The following AFF1 variants were observed in gnomAD, a reference collection of about 807,000 sequenced individuals.
The protein encoded by AFF1 is ALF transcription elongation factor 1, also known as AF4/FMR2 family member 1.
AFF1 carries 48 observed loss-of-function variants against 121.7 expected under a neutral mutation model. The ratio of observed to expected loss-of-function variants is 0.39; its 90% CI spans 0.31 to 0.50. The LOEUF (loss-of-function observed/expected upper bound fraction) is 0.50, where lower values mean the gene tolerates loss of function less well. Among genes scored for constraint, AFF1 ranks in the 20% least tolerant of loss-of-function variants. The pLI is 0.76. For synonymous variants in AFF1, 613 were observed against 563.0 expected (o/e 1.09, Z -1.26); for missense variants, 1,523 against 1,511.7 (o/e 1.01, Z -0.12).
At chr4:87,006,170 T>G (rs578244726) in intron 2 of AFF1, among the ~76,000 whole-genome samples, 1 of 152,326 alleles carries the variant, frequency 6.6e-6, no homozygotes, top group South Asian at 2.1e-4. Context: ...AATGTTGTCA[T>G]GATTCTAGGT....
chr4:87,006,885 G>A (rs1253702696), intron 2 of AFF1: 2 of 908,140 alleles, frequency 2.2e-6, no homozygotes, highest in Non-Finnish European at 2.7e-6. Context: ...CTTTGGCTAG[G>A]GCCGCCGAGC....
Position 87,137,398 on chromosome 4 carries a change from G to C in AFF1, c.*1697G>C, listed in dbSNP as rs754086006. ...TTGTAAATACACAAAGGGATGTGTC[G>C]AGGGATGGGAGCGATGCTTATCTCT... On this transcript the variant is annotated 3_prime_UTR_variant, in exon 21 of 21. Coordinates refer to ENST00000395146, the MANE Select transcript of AFF1 (RefSeq NM_001166693.3). The C allele has an allele frequency of 8.7e-6, 2 of 229,934 alleles. No individual in the cohort carries two copies. Among genetic ancestry groups the C allele is most frequent in the Non-Finnish European group, 1.7e-5 (2 of 115,822 alleles). The allele number at this position is 229,934 out of a possible 1,614,324, so 14.2% of individuals were successfully genotyped here.
At chr4:86,962,765 G>A (rs1014987205) in intron 2 of AFF1, among the ~76,000 whole-genome samples, 1 of 152,050 alleles carries the variant, frequency 6.6e-6, no homozygotes, top group African/African-American at 2.4e-5. Flanking sequence ...AAGAGTTTGG[G>A]TAATTTGAAA....
chr4:86,989,643 A>G (rs1724546823), intron 2 of AFF1, among the ~76,000 whole-genome samples: 1 of 152,212 alleles, frequency 6.6e-6, no homozygotes, highest in Non-Finnish European at 1.5e-5. Context: ...TAGAACCAGA[A>G]ATATCATTTG....
At position 87,013,032 on chromosome 4, in the gene AFF1, CTTTTTTTTTTTTTTT is replaced by C. The variant is rs61071328; in HGVS notation, c.39-33122_39-33108del. On this transcript the variant is annotated intron_variant, in intron 2 of 20. Coordinates refer to ENST00000395146, the MANE Select transcript of AFF1 (RefSeq NM_001166693.3). ...AACCAGATTGAACTGCTATCAAGTT[CTTTTTTTTTTTTTTT>C]TTTTTTTTTTTGGGAGACGGAGTTT... is the stretch of plus-strand genomic sequence containing the variant. Among the ~76,000 whole-genome samples, 9 of 93,512 alleles carry C rather than the reference CTTTTTTTTTTTTTTT, an allele frequency of 9.6e-5. No homozygotes were observed. The South Asian group carries it at 1.9e-3, about 20-fold the overall frequency. 61.3% of individuals were successfully genotyped at this position (93,512 alleles called of 152,430 possible).
intron 20 of AFF1, among the ~76,000 whole-genome samples, chr4:87,135,028 C>T (rs999514256): frequency 6.6e-6 from 1 of 152,218 alleles, no homozygotes; most frequent in African/African-American, 2.4e-5. Flanking sequence ...GAGCCACTGG[C>T]TGTTCCTAGG....
In AFF1 at chr4:86,949,945, C is replaced by T. The variant is rs536502160; in HGVS notation, c.38+1374C>T. On this transcript the variant is annotated intron_variant, in intron 2 of 20. Transcript: ENST00000395146. ...TCTTGGACCCAGCGGGCCGCAGGTC[C>T]CGCAGGGCCATGTGGATGGAGAAGT... The T allele has an allele frequency of 2.4e-5, 38 of 1,614,082 alleles. No homozygotes were observed. The African/African-American group carries it at 4.7e-4, about 20-fold the overall frequency.
At position 87,022,577 on chromosome 4, in the gene AFF1, T is replaced by TAC. The variant is rs1560547244; in HGVS notation, c.39-23588_39-23587insCA. ...ATATATATATATATATATATATATA[T>TAC]ATATATCTATCTATATCTATCTGTG... On this transcript the variant is annotated intron_variant, in intron 2 of 20. Transcript: ENST00000395146. Among the ~76,000 whole-genome samples, 61 of 88,516 alleles carry TAC rather than the reference T, an allele frequency of 6.9e-4. 1 individual carries two copies. The highest frequency in any genetic ancestry group is 2.7e-3 in the African/African-American group (51 of 18,914). 58.1% of individuals were successfully genotyped at this position (88,516 alleles called of 152,430 possible).
intron 2 of AFF1, among the ~76,000 whole-genome samples, chr4:86,996,204 A>AG (rs1430792538): frequency 1.1e-4 from 16 of 152,150 alleles, no homozygotes; most frequent in Non-Finnish European, 1.9e-4. Context: ...CTGCCTGGCC[A>AG]CCACCCCGTC....
intron 5 of AFF1, among the ~76,000 whole-genome samples, chr4:87,085,800 C>T (rs756141094): frequency 4.4e-4 from 65 of 148,448 alleles, no homozygotes; most frequent in Non-Finnish European, 8.4e-4. Context: ...TCAGGCTGGG[C>T]GTGACCTTGG....
intron 12 of AFF1, among the ~76,000 whole-genome samples, chr4:87,116,833 T>G (rs565585921): frequency 1.1e-4 from 17 of 150,724 alleles, no homozygotes; most frequent in South Asian, 2.1e-4. Flanking sequence ...TGGGGTGGGG[T>G]GTGTGTGTGT....
chr4:87,007,726 C>T (rs1359785899), intron 2 of AFF1, among the ~76,000 whole-genome samples: 1 of 152,174 alleles, frequency 6.6e-6, no homozygotes, highest in Non-Finnish European at 1.5e-5. Flanking sequence ...CACTTGTCCG[C>T]CCTTGCCCAA....
chr4:87,115,594 G>A (rs936289017), intron 12 of AFF1, among the ~76,000 whole-genome samples: 8 of 88,628 alleles, frequency 9.0e-5, no homozygotes, highest in Admixed American at 1.3e-4. Context: ...ATCTAGGGCC[G>A]CCCCCAACCC....
At chr4:87,018,356 A>T (rs1232201746) in intron 2 of AFF1, among the ~76,000 whole-genome samples, 1 of 152,214 alleles carries the variant, frequency 6.6e-6, no homozygotes, top group African/African-American at 2.4e-5. Context: ...AAAAAACAGG[A>T]TACTGTGAGG....
In AFF1 at chr4:87,137,397, C is replaced by T. The variant is rs533302438; in HGVS notation, c.*1696C>T. On this transcript the variant is annotated 3_prime_UTR_variant, in exon 21 of 21. Transcript: ENST00000395146. The stretch of plus-strand genomic sequence containing the variant: ...TTTGTAAATACACAAAGGGATGTGT[C>T]GAGGGATGGGAGCGATGCTTATCTC... The T allele has an allele frequency of 2.0e-4, 46 of 229,898 alleles. No homozygotes were observed. The highest frequency in any genetic ancestry group is 3.6e-4 in the South Asian group (2 of 5,486). The allele number at this position is 229,898 out of a possible 1,614,324, so 14.2% of individuals were successfully genotyped here.
At chr4:87,039,177 T>C (rs1729864577) in intron 2 of AFF1, among the ~76,000 whole-genome samples, 1 of 152,218 alleles carries the variant, frequency 6.6e-6, no homozygotes, top group Non-Finnish European at 1.5e-5. Context: ...CATCCACATA[T>C]GCTATTTCCT....
chr4:86,971,199 A>G (rs922724196), intron 2 of AFF1, among the ~76,000 whole-genome samples: 2 of 152,190 alleles, frequency 1.3e-5, no homozygotes, highest in African/African-American at 4.8e-5. Flanking sequence ...AACATAAAAC[A>G]CTGTAAGCAG....
At chr4:87,096,390 CTTT>C (rs11301562) in intron 8 of AFF1, among the ~76,000 whole-genome samples, 2 of 68,296 alleles carry the variant, frequency 2.9e-5, no homozygotes, top group Non-Finnish European at 5.5e-5. Flanking sequence ...ACACACCCGG[CTTT>C]TTTTTTTTTT....
chr4:86,994,060 G>T (rs892548850), intron 2 of AFF1, among the ~76,000 whole-genome samples: 1 of 152,240 alleles, frequency 6.6e-6, no homozygotes, highest in Non-Finnish European at 1.5e-5. Flanking sequence ...GGCCTCTCAT[G>T]TTAGAGCTGC....
Sources: allele counts gnomAD v4.1 joint callset (sites outside exome capture counted in the v4.1 genomes callset), GRCh38; gene constraint gnomAD v4.1.1; transcripts MANE v1.5; gene names NCBI Gene and HGNC (gene_info 2026-07-23, HGNC 2026-07-21).